The following WDR86 variants were observed in gnomAD, a reference collection of about 807,000 sequenced individuals.
WDR86 encodes WD repeat domain 86, also known as WD repeat-containing protein 86.
A neutral mutation model predicts 36.5 loss-of-function variants in WDR86; 30 were observed. The ratio of observed to expected loss-of-function variants is 0.82; its 90% CI spans 0.61 to 1.11. The LOEUF is 1.11. WDR86 is among the 50% of genes most tolerant of loss of function. The pLI is 0.00. For missense variants in WDR86, 545 were observed against 561.2 expected, an observed-to-expected ratio of 0.97 and a Z score of 0.29; for synonymous variants, 255 against 252.9, an observed-to-expected ratio of 1.01 and a Z score of -0.08.
intron 2 of WDR86, among the ~76,000 whole-genome samples, chr7:151,398,069 C>T (rs1026420354): frequency 2.6e-5 from 4 of 152,134 alleles, no homozygotes; most frequent in South Asian, 2.1e-4. Flanking sequence ...GAGCTGTGAC[C>T]GATCCAAAAT....
At chr7:151,408,791 A>G (rs1800945342) in intron 1 of WDR86, 1 of 426,028 alleles carries the variant, frequency 2.3e-6, no homozygotes, top group African/African-American at 2.0e-5. Flanking sequence ...ACAGGGCACA[A>G]ATAGAAACCA....
At chr7:151,387,434 G>A (rs1016133683) in intron 3 of WDR86, among the ~76,000 whole-genome samples, 1 of 152,186 alleles carries the variant, frequency 6.6e-6, no homozygotes, top group African/African-American at 2.4e-5. Context: ...CAGCCCCAGG[G>A]TCCTCAGCCT....
Position 151,396,191 on chromosome 7 carries a change from AG to A in WDR86, c.310del (p.Leu104TrpfsTer38), listed in dbSNP as rs1799814753. 3.1e-6 allele frequency: 5 copies of A among 1,612,750 alleles called. No individual in the cohort carries two copies. The highest frequency in any genetic ancestry group is 4.2e-6 in the Non-Finnish European group (5 of 1,179,852). The part of the protein sequence containing the change: ...RGHTSIVNRI[L>X]VANNQLFSSS... ...GCTGAAGAGCTGGTTGTTGGCAACC[AG>A]GATCCTGGGGGCAAGAGGGAAGGGG... On this transcript the variant is annotated frameshift_variant, in exon 3 of 6. Coordinates refer to ENST00000334493, the MANE Select transcript of WDR86 (RefSeq NM_198285.3). LOFTEE classifies it high-confidence loss of function.
At chr7:151,392,064 C>T (rs568622844) in intron 3 of WDR86, among the ~76,000 whole-genome samples, 1 of 152,296 alleles carries the variant, frequency 6.6e-6, no homozygotes, top group East Asian at 1.9e-4. Flanking sequence ...CTTCCTTCTG[C>T]CAGCCCCTTC....
In WDR86 at chr7:151,395,996, C is replaced by T; in HGVS notation, c.506G>A (p.Gly169Asp). The T allele has an allele frequency of 6.3e-7, 1 of 1,599,846 alleles. No individual in the cohort carries two copies. The highest frequency in any genetic ancestry group is 8.5e-7 in the Non-Finnish European group (1 of 1,174,554). ...CACCTTGGCTGTGCCATCTGTGCTG[C>T]CGGTCACCAGAAGCCCCCCGGCCGC... ...EAAAGGLLVT[G>D]STDGTAKVWQ... Residue 169 changes from glycine to aspartate, a missense_variant, in exon 3 of 6, where the codon GGC (glycine) becomes GAC (aspartate). Coordinates refer to ENST00000334493, the MANE Select transcript of WDR86 (RefSeq NM_198285.3).
At chr7:151,387,063 A>G (rs532942263) in intron 3 of WDR86, among the ~76,000 whole-genome samples, 2 of 152,244 alleles carry the variant, frequency 1.3e-5, no homozygotes, top group South Asian at 4.1e-4. Context: ...TCCCCAACAC[A>G]TGGTCAGCTC....
chr7:151,373,104 G>A (rs1798036328), downstream of WDR86, among the ~76,000 whole-genome samples: 4 of 152,172 alleles, frequency 2.6e-5, no homozygotes, highest in South Asian at 6.2e-4. Context: ...GCAGGGAGGC[G>A]CCTGTTGCCT....
At position 151,408,292 on chromosome 7, in the gene WDR86, G is replaced by C. The variant is rs539293366; in HGVS notation, c.163+1135C>G. On this transcript the variant is annotated intron_variant, in intron 1 of 5. Coordinates refer to ENST00000334493, the MANE Select transcript of WDR86 (RefSeq NM_198285.3). Reference sequence around the variant, plus strand: ...GCTCACTGCAACCTCTGCCTCCTGGGTTCAAGTGATTCTCCTGCCTCAGCC... The same window carrying C: ...GCTCACTGCAACCTCTGCCTCCTGGCTTCAAGTGATTCTCCTGCCTCAGCC... Among the ~76,000 whole-genome samples the C allele has an allele frequency of 1.4e-3, 212 of 151,010 alleles. 2 individuals are homozygous for C. Among genetic ancestry groups the C allele is most frequent in the African/African-American group, 4.7e-3 (194 of 40,974 alleles).
chr7:151,395,644 C>T lies in WDR86; in HGVS notation c.726+132G>A, dbSNP rs1012893204. 222 of 1,149,382 alleles carry T rather than the reference C, an allele frequency of 1.9e-4. 1 individual carries two copies. The highest frequency in any genetic ancestry group is 6.0e-4 in the Middle Eastern group (2 of 3,344). The allele number at this position is 1,149,382 out of a possible 1,614,324, so 71.2% of individuals were successfully genotyped here. The stretch of plus-strand genomic sequence containing the variant: ...CCCAGCCCCAGGACCGCAAGGCCTC[C>T]GTGGCGCTTGCCAGGCCCCCATCTG... On this transcript the variant is annotated intron_variant, in intron 3 of 5. Transcript: ENST00000334493.
downstream of WDR86, chr7:151,376,804 C>T (rs1187623248): frequency 6.3e-7 from 1 of 1,582,950 alleles, no homozygotes; most frequent in African/African-American, 1.3e-5. Flanking sequence ...CCCCTTCTGA[C>T]TCCGCAGGTA....
rs893362122 is a variant in WDR86 at position 151,409,512 on chromosome 7, G to A, written c.78C>T (p.Asp26=). Residue 26 remains aspartate, a synonymous_variant, in exon 1 of 6, where the codon GAC becomes GAT. Transcript: ENST00000334493. The surrounding 1 kb of genome is among the most constrained non-coding windows in gnomAD (Gnocchi z 5.2). ...CGCTGCCCGTCAGCAGGCGCTGCCC[G>A]TCGGGGCTCAGGCTCAGCCAGTTGA... ...GGINWLSLSP[D]GQRLLTGSED... The A allele has an allele frequency of 6.5e-6, 10 of 1,532,010 alleles. No individual in the cohort carries two copies. Among genetic ancestry groups the A allele is most frequent in the Non-Finnish European group, 8.7e-6 (10 of 1,145,368 alleles). The allele number at this position is 1,532,010 out of a possible 1,614,324, so 94.9% of individuals were successfully genotyped here.
chr7:151,396,956 C>G (rs1563058433), intron 2 of WDR86, among the ~76,000 whole-genome samples: 1 of 152,228 alleles, frequency 6.6e-6, no homozygotes, highest in Admixed American at 6.5e-5. Flanking sequence ...GACCAAGGCC[C>G]CCACATTGTA....
At chr7:151,396,262 G>C in intron 2 of WDR86, 66 bp from the exon 3 acceptor site, 5 of 1,558,512 alleles carry the variant, frequency 3.2e-6, no homozygotes, top group Non-Finnish European at 4.4e-6. Context: ...ACAGCCTCCC[G>C]ACATGCCATG....
Position 151,390,257 on chromosome 7 carries a change from G to A in WDR86, c.727-5034C>T, listed in dbSNP as rs775785497. On this transcript the variant is annotated intron_variant, in intron 3 of 5. Transcript: ENST00000334493. The surrounding 1 kb of genome is among the most constrained non-coding windows in gnomAD (Gnocchi z 4.5). The stretch of plus-strand genomic sequence containing the variant: ...AGCCCTCAACGACAGAGCTCTCCCC[G>A]TGAAAACAGACCAAGCCCAGAGCTC... 5.9e-5 allele frequency among the ~76,000 whole-genome samples: 9 copies of A among 152,118 alleles called. No individual in the cohort carries two copies. Among genetic ancestry groups the A allele is most frequent in the African/African-American group, 9.7e-5 (4 of 41,416 alleles).
chr7:151,397,323 G>A (rs541320084), intron 2 of WDR86, among the ~76,000 whole-genome samples: 4 of 152,308 alleles, frequency 2.6e-5, no homozygotes, highest in South Asian at 2.1e-4. Context: ...CTCACTTCCC[G>A]CAAGCAGCTC....
At chr7:151,397,415 C>T (rs1407010017) in intron 2 of WDR86, among the ~76,000 whole-genome samples, 1 of 152,216 alleles carries the variant, frequency 6.6e-6, no homozygotes, top group East Asian at 1.9e-4. Flanking sequence ...ATGATTGTCA[C>T]AAAACATGTA....
At chr7:151,374,016 G>A, downstream of WDR86, 1 of 1,434,886 alleles carries the variant, frequency 7.0e-7, no homozygotes, top group Non-Finnish European at 9.3e-7. Flanking sequence ...TGGAAATGCG[G>A]AGAATCCTGC....
intron 1 of WDR86, among the ~76,000 whole-genome samples, chr7:151,404,324 C>T (rs1800554476): frequency 6.6e-6 from 1 of 152,240 alleles, no homozygotes. Flanking sequence ...CACAGAGGCC[C>T]ACAGCGTTCA....
At chr7:151,376,829 G>A (rs375215823), downstream of WDR86, 37 of 1,563,468 alleles carry the variant, frequency 2.4e-5, no homozygotes, top group African/African-American at 5.0e-4. Flanking sequence ...TGAGGTCTTT[G>A]AGGGCCGCAT....
Sources: allele counts gnomAD v4.1 joint callset (sites outside exome capture counted in the v4.1 genomes callset), GRCh38; gene constraint gnomAD v4.1.1; non-coding constraint Gnocchi (gnomAD v3.1); transcripts MANE v1.5; gene names NCBI Gene and HGNC (gene_info 2026-07-23, HGNC 2026-07-21).